DAP3: variants seen among roughly 807,000 people sequenced by gnomAD.
DAP3 encodes death associated protein 3.
Under a neutral mutation model 51.9 loss-of-function variants are expected in DAP3, and 28 were observed. The observed-to-expected ratio is 0.54, with a 90% confidence interval of 0.40 to 0.74. The LOEUF (loss-of-function observed/expected upper bound fraction) is 0.74. DAP3 is among the 30% of genes least tolerant of loss of function. The probability of loss-of-function intolerance (pLI) is 0.00; values close to 1 mark genes in which losing one functional copy is unlikely to be tolerated. For synonymous variants in DAP3, 170 were observed against 170.3 expected (o/e 1.00, Z 0.01); for missense variants, 458 against 483.5 (o/e 0.95, Z 0.49).
In DAP3 at chr1:155,723,231, G is replaced by A. The variant is rs141356557; in HGVS notation, c.270+1613G>A. Among the ~76,000 whole-genome samples the A allele has an allele frequency of 2.0e-5, 3 of 152,238 alleles. No homozygotes were observed. The East Asian group carries it at 5.8e-4, about 29-fold the overall frequency. ...TACAGTGGCGTGACCACAGCCCACA[G>A]CACACTCTACATCTCTGACCTCCTG... On this transcript the variant is annotated intron_variant, in intron 4 of 12. Transcript: ENST00000368336.
intron 4 of DAP3, among the ~76,000 whole-genome samples, chr1:155,725,070 G>GCCCAAAAT (rs1217346109): frequency 6.6e-6 from 1 of 152,078 alleles, no homozygotes; most frequent in Non-Finnish European, 1.5e-5. Flanking sequence ...GCCCTAAGTG[G>GCCCAAAAT]TATACATAAT....
Position 155,724,685 on chromosome 1 carries a change from A to G in DAP3, c.271-697A>G, listed in dbSNP as rs1428949217. 9.3e-5 allele frequency among the ~76,000 whole-genome samples: 14 copies of G among 149,876 alleles called. No homozygotes were observed. In the South Asian group the frequency reaches 1.1e-3, roughly 11 times the overall value. Reference sequence around the variant, plus strand: ...TAAAAATAAATTTTAGGCCAGGTGCAGTGGCTCACGCCTGTAATCCCTGCA... The same window carrying G: ...TAAAAATAAATTTTAGGCCAGGTGCGGTGGCTCACGCCTGTAATCCCTGCA... On this transcript the variant is annotated intron_variant, in intron 4 of 12. Transcript: ENST00000368336.
rs78579853 is a variant in DAP3, at chr1:155,692,514, G to A, written c.-8+3340G>A. 4.9e-5 allele frequency among the ~76,000 whole-genome samples: 7 copies of A among 142,106 alleles called. 2 individuals carry two copies. The highest frequency in any genetic ancestry group is 1.6e-4 in the African/African-American group (5 of 31,588). 93.2% of individuals were successfully genotyped at this position (142,106 alleles called of 152,430 possible). ...AGGTACACATTAAAGCAAAATTTGC[G>A]ATAGTTGATTCTCTAACGGTCTTAA... On this transcript the variant is annotated intron_variant, in intron 1 of 12. Transcript: ENST00000368336.
chr1:155,718,367 G>A lies in DAP3; in HGVS notation c.168+1239G>A, dbSNP rs150736980. 2.0e-3 allele frequency among the ~76,000 whole-genome samples: 299 copies of A among 151,960 alleles called. 3 individuals carry two copies. In the East Asian group the frequency reaches 0.034, roughly 17 times the overall value. On this transcript the variant is annotated intron_variant, in intron 3 of 12. Coordinates refer to ENST00000368336, the MANE Select transcript of DAP3 (RefSeq NM_004632.4). Reference sequence around the variant, plus strand: ...CGCCACTGCACTCCAGGCTGGGCAAGAGAGCAAGACTCTGTCTTAAAAAGT... The same window carrying A: ...CGCCACTGCACTCCAGGCTGGGCAAAAGAGCAAGACTCTGTCTTAAAAAGT...
chr1:155,709,842 T>C lies in DAP3; in HGVS notation c.45+18T>C, dbSNP rs1257963044. 7.4e-6 allele frequency: 12 copies of C among 1,612,198 alleles called. No homozygotes were observed. The highest frequency in any genetic ancestry group is 1.0e-5 in the Non-Finnish European group (12 of 1,178,824). ...TCCATAAGGTGAGTCCTGACTGACC[T>C]GAACACTCTGTGCATACTGCCTTTA... On this transcript the variant is annotated intron_variant, in intron 2 of 12. Coordinates refer to ENST00000368336, the MANE Select transcript of DAP3 (RefSeq NM_004632.4).
intron 11 of DAP3, among the ~76,000 whole-genome samples, chr1:155,732,921 G>A (rs775756229): frequency 5.3e-5 from 8 of 152,192 alleles, no homozygotes; most frequent in Non-Finnish European, 8.8e-5. Flanking sequence ...CTACTCAGGA[G>A]GCCGAGGTAG....
upstream of DAP3, chr1:155,688,815 C>G: frequency 6.4e-7 from 1 of 1,565,342 alleles, no homozygotes. Flanking sequence ...CACCGCGGGA[C>G]TGTTCCATTC....
In DAP3 at chr1:155,738,589, T is replaced by C. The variant is rs1660030398; in HGVS notation, c.*347T>C. ...TTAGATTGGCCAAATTGCATTTCTC[T>C]GATATTCCTCTTGTTGCAGGTCAGA... On this transcript the variant is annotated 3_prime_UTR_variant, in exon 13 of 13. Transcript: ENST00000368336. The C allele has an allele frequency of 4.8e-6, 1 of 209,830 alleles. No homozygotes were observed. Among genetic ancestry groups the C allele is most frequent in the African/African-American group, 2.3e-5 (1 of 43,186 alleles). The allele number at this position is 209,830 out of a possible 1,614,324, so 13.0% of individuals were successfully genotyped here.
chr1:155,696,939 C>T lies in DAP3; in HGVS notation c.-8+7765C>T, dbSNP rs528301884. ...TAGGGAGCATGGTGGGGGATGGGAG[C>T]CCTGGTTGTAAAGCTCCCATTGGTT... On this transcript the variant is annotated intron_variant, in intron 1 of 12. Transcript: ENST00000368336. 2.6e-5 allele frequency among the ~76,000 whole-genome samples: 4 copies of T among 152,104 alleles called. No homozygotes were observed. The South Asian group carries it at 6.2e-4, about 24-fold the overall frequency.
chr1:155,705,447 A>T (rs1196562404), intron 1 of DAP3, among the ~76,000 whole-genome samples: 16 of 149,030 alleles, frequency 1.1e-4, no homozygotes, highest in East Asian at 2.0e-4. Context: ...AAAAAAAAAA[A>T]TTTTTTTTTT....
intron 11 of DAP3, among the ~76,000 whole-genome samples, chr1:155,734,370 A>G (rs1054336302): frequency 2.6e-5 from 4 of 151,526 alleles, no homozygotes; most frequent in African/African-American, 9.7e-5. Context: ...GCATGGTCTT[A>G]ACTATGTTGT....
At chr1:155,703,737 C>T (rs987574345) in intron 1 of DAP3, among the ~76,000 whole-genome samples, 9 of 152,188 alleles carry the variant, frequency 5.9e-5, no homozygotes, top group African/African-American at 2.2e-4. Flanking sequence ...TGGGGTTTCA[C>T]CGTGTTAGCC....
At chr1:155,718,019 T>C (rs1657525568) in intron 3 of DAP3, among the ~76,000 whole-genome samples, 1 of 152,176 alleles carries the variant, frequency 6.6e-6, no homozygotes, top group African/African-American at 2.4e-5. Flanking sequence ...CATCTTAATA[T>C]AGTCTGTGTG....
At chr1:155,733,609 C>T (rs755649174) in intron 11 of DAP3, among the ~76,000 whole-genome samples, 18 of 152,188 alleles carry the variant, frequency 1.2e-4, no homozygotes, top group South Asian at 6.2e-4. Context: ...GAGGCCAAGG[C>T]GGGTGGATCA....
At chr1:155,725,330 C>A in intron 4 of DAP3, 52 bp from the exon 5 acceptor site, 3 of 1,516,096 alleles carry the variant, frequency 2.0e-6, no homozygotes, top group African/African-American at 1.4e-5. Flanking sequence ...TACCACCCCC[C>A]ACCCACTCCT....
Position 155,729,263 on chromosome 1 carries a change from T to A in DAP3, c.740T>A (p.Leu247Gln). 1.2e-6 allele frequency: 2 copies of A among 1,614,178 alleles called. No individual in the cohort carries two copies. The highest frequency in any genetic ancestry group is 1.7e-6 in the Non-Finnish European group (2 of 1,180,044). ...GCAGTTGGAATTGTGCTGAAAGAGC[T>A]AAAGAGGCAAAGTTCTTTGGGTATG... ...TDAVGIVLKELKRQSSLGMFH... is the reference protein window; with the variant it reads ...TDAVGIVLKEQKRQSSLGMFH... Residue 247 changes from leucine (L) to glutamine (Q), a missense_variant, in exon 9 of 13, where the codon CTA becomes CAA. By Grantham distance (113) the Leu-to-Gln change is moderately radical. Transcript: ENST00000368336.
In DAP3 at chr1:155,725,369, C is replaced by T. The variant is rs200957340; in HGVS notation, c.271-13C>T. On this transcript the variant is annotated splice_polypyrimidine_tract_variant and intron_variant, in intron 4 of 12. Coordinates refer to ENST00000368336, the MANE Select transcript of DAP3 (RefSeq NM_004632.4). ...ACACCCACCCACTCTTTCCTTCTTTCCTACTTTATCAGGTGAAGACATTCA... is the reference window on the plus strand; with the variant it reads ...ACACCCACCCACTCTTTCCTTCTTTTCTACTTTATCAGGTGAAGACATTCA... 20 of 1,608,264 alleles carry T rather than the reference C, an allele frequency of 1.2e-5. No homozygotes were observed. In the East Asian group the frequency reaches 4.5e-4, roughly 36 times the overall value.
chr1:155,732,788 G>C (rs1659375885), intron 11 of DAP3, among the ~76,000 whole-genome samples: 1 of 152,092 alleles, frequency 6.6e-6, no homozygotes, highest in Non-Finnish European at 1.5e-5. Context: ...ACTTTGGGAG[G>C]CCGAGGCAGG....
At chr1:155,688,100 C>T, upstream of DAP3, 2 of 1,607,548 alleles carry the variant, frequency 1.2e-6, no homozygotes, top group South Asian at 2.2e-5. Flanking sequence ...GATGAGAGTA[C>T]AGGGAAGTGA....
Sources: gnomAD v4.1 joint callset for allele counts (sites outside exome capture counted in the v4.1 genomes callset) on GRCh38, gnomAD v4.1.1 for gene constraint, MANE v1.5 for transcripts, NCBI Gene and HGNC (gene_info 2026-07-23, HGNC 2026-07-21) for gene names.